EYA4: variants seen among roughly 807,000 people sequenced by gnomAD.
The protein encoded by EYA4 is protein phosphatase EYA4.
Under a neutral mutation model 87.9 loss-of-function variants are expected in EYA4, and 31 were observed. The observed-to-expected ratio is 0.35, with a 90% CI of 0.27 to 0.48. The LOEUF is 0.48. Among genes scored for constraint, EYA4 ranks in the 20% least tolerant of loss-of-function variants. EYA4 has a pLI of 0.99. For missense variants in EYA4, 678 were observed against 761.4 expected (o/e 0.89, Z 1.29); for synonymous variants, 263 against 270.6 (o/e 0.97, Z 0.28).
intron 16 of EYA4, among the ~76,000 whole-genome samples, chr6:133,513,468 A>C (rs941841102): frequency 6.6e-6 from 1 of 152,220 alleles, no homozygotes; most frequent in Non-Finnish European, 1.5e-5. Context: ...AAATATAAAC[A>C]GTTATTAATG....
intron 2 of EYA4, among the ~76,000 whole-genome samples, chr6:133,372,505 T>A (rs1355438571): frequency 6.6e-6 from 1 of 151,844 alleles, no homozygotes. Context: ...TAAAATAGAT[T>A]TTAAAACTCA....
At chr6:133,348,467 A>G (rs113341361) in intron 2 of EYA4, among the ~76,000 whole-genome samples, 3 of 151,812 alleles carry the variant, frequency 2.0e-5, no homozygotes, top group African/African-American at 7.2e-5. Context: ...GGGTTTCACC[A>G]TATCGGCCAG....
intron 2 of EYA4, among the ~76,000 whole-genome samples, chr6:133,322,825 C>T (rs1781197881): frequency 6.6e-6 from 1 of 152,016 alleles, no homozygotes; most frequent in Non-Finnish European, 1.5e-5. Flanking sequence ...ATTTGAATTA[C>T]CTCTAGTAAA....
intron 1 of EYA4, among the ~76,000 whole-genome samples, chr6:133,269,698 A>G (rs137886795): frequency 6.6e-5 from 10 of 152,364 alleles, no homozygotes; most frequent in African/African-American, 2.4e-4. Context: ...GACTGGATAT[A>G]TGTAAAACTG....
intron 2 of EYA4, among the ~76,000 whole-genome samples, chr6:133,381,525 T>C (rs1786221897): frequency 6.6e-6 from 1 of 152,150 alleles, no homozygotes; most frequent in African/African-American, 2.4e-5. Context: ...AACCACATAT[T>C]GGAAGTAAAA....
intron 13 of EYA4, among the ~76,000 whole-genome samples, chr6:133,495,382 A>G: frequency 6.7e-6 from 1 of 148,250 alleles, no homozygotes; most frequent in African/African-American, 2.4e-5. Context: ...AAATATAAAT[A>G]TATTCATTTA....
chr6:133,440,963 A>G (rs1452844960), intron 3 of EYA4, among the ~76,000 whole-genome samples: 1 of 152,192 alleles, frequency 6.6e-6, no homozygotes, highest in Non-Finnish European at 1.5e-5. Context: ...TGTTATTTTC[A>G]GAATTTGACT....
intron 2 of EYA4, among the ~76,000 whole-genome samples, chr6:133,376,886 G>C (rs1051916965): frequency 1.3e-5 from 2 of 151,898 alleles, no homozygotes; most frequent in East Asian, 1.9e-4. Flanking sequence ...AGCTTGAGGG[G>C]TGAATAGTAT....
chr6:133,246,598 T>C (rs972914325), intron 1 of EYA4, among the ~76,000 whole-genome samples: 1 of 152,160 alleles, frequency 6.6e-6, no homozygotes, highest in African/African-American at 2.4e-5. Context: ...AATGTAGATG[T>C]CAAATATGAG....
At chr6:133,391,352 C>T (rs1330679956) in intron 3 of EYA4, among the ~76,000 whole-genome samples, 2 of 151,706 alleles carry the variant, frequency 1.3e-5, no homozygotes, top group East Asian at 1.9e-4. Context: ...GCTTCAGCCT[C>T]CTGAGTAGCT....
intron 2 of EYA4, among the ~76,000 whole-genome samples, chr6:133,296,599 A>G (rs373683010): frequency 4.9e-4 from 75 of 152,228 alleles, no homozygotes; most frequent in African/African-American, 1.8e-3. Flanking sequence ...AGGGTCAGTA[A>G]TGACTGTCAG....
At chr6:133,464,915 A>G (rs770647491) in intron 10 of EYA4, 57 bp downstream of exon 10, 95 of 1,179,598 alleles carry the variant, frequency 8.1e-5, no homozygotes, top group Non-Finnish European at 1.1e-4. Context: ...TTTGAAGAGT[A>G]CTCTCAGGTT....
At chr6:133,381,703 A>T (rs159408) in intron 2 of EYA4, among the ~76,000 whole-genome samples, 55,398 of 151,986 alleles carry the variant, frequency 0.36, 10,295 homozygotes, top group East Asian at 0.48. Flanking sequence ...TATAGATATA[A>T]GTGCTTGAAG....
intron 11 of EYA4, among the ~76,000 whole-genome samples, chr6:133,479,839 A>C (rs1162496354): frequency 1.3e-5 from 2 of 152,170 alleles, no homozygotes; most frequent in East Asian, 3.8e-4. Flanking sequence ...ACTGTATCTC[A>C]CAGTTGCCTC....
intron 3 of EYA4, among the ~76,000 whole-genome samples, chr6:133,413,305 C>A (rs1789405685): frequency 6.6e-6 from 1 of 152,152 alleles, no homozygotes; most frequent in Non-Finnish European, 1.5e-5. Context: ...ACTCCCACTT[C>A]ACGGATAAAT....
chr6:133,388,137 G>A (rs1042743697), intron 3 of EYA4, among the ~76,000 whole-genome samples: 5 of 152,122 alleles, frequency 3.3e-5, no homozygotes, highest in African/African-American at 1.2e-4. Context: ...GCCGGGCACA[G>A]TGGCTCACCC....
At chr6:133,410,004 T>TA (rs1212380530) in intron 3 of EYA4, among the ~76,000 whole-genome samples, 1 of 152,250 alleles carries the variant, frequency 6.6e-6, no homozygotes, top group East Asian at 1.9e-4. Context: ...AGTGGATATT[T>TA]AAAAAATAGA....
chr6:133,427,814 G>A (rs926401996), intron 3 of EYA4, among the ~76,000 whole-genome samples: 1 of 152,134 alleles, frequency 6.6e-6, no homozygotes, highest in African/African-American at 2.4e-5. Context: ...CATTCATCAA[G>A]GTTCAGTTAT....
intron 2 of EYA4, among the ~76,000 whole-genome samples, chr6:133,348,605 C>T (rs1384322885): frequency 6.6e-6 from 1 of 152,018 alleles, no homozygotes; most frequent in Non-Finnish European, 1.5e-5. Context: ...TGATCTCATC[C>T]AGTCTCTGAT....
Sources: gnomAD v4.1 joint callset for allele counts (sites outside exome capture counted in the v4.1 genomes callset) on GRCh38, gnomAD v4.1.1 for gene constraint, MANE v1.5 for transcripts, NCBI Gene and HGNC (gene_info 2026-07-23, HGNC 2026-07-21) for gene names.